VPS39: variants seen among roughly 807,000 people sequenced by gnomAD.
VPS39 encodes the protein VPS39 subunit of HOPS complex, also known as vam6/Vps39-like protein.
VPS39 carries 70 observed loss-of-function variants against 121.0 expected under a neutral mutation model. That is an observed-to-expected ratio of 0.58 (90% CI 0.48 to 0.71). VPS39 has a LOEUF of 0.71. Among genes scored for constraint, VPS39 ranks in the 30% least tolerant of loss-of-function variants. The pLI is 0.00. For missense variants in VPS39, 818 were observed against 1,051.5 expected (o/e 0.78, Z 3.07); for synonymous variants, 378 against 398.1 (o/e 0.95, Z 0.60).
Position 42,191,479 on chromosome 15 carries a change from C to A in VPS39, c.204+17G>T, listed in dbSNP as rs180827366. 8 of 1,611,688 alleles carry A rather than the reference C, an allele frequency of 5.0e-6. No individual in the cohort carries two copies. The East Asian group carries it at 1.6e-4, about 31-fold the overall frequency. ...TGTAAGTCAAATATTCTTGTAAGGA[C>A]TGCCATCACTGCTTACCTGCTGAAT... On this transcript the variant is annotated intron_variant, in intron 3 of 24. Coordinates refer to ENST00000318006, the MANE Select transcript of VPS39 (RefSeq NM_015289.5).
At chr15:42,164,535 T>C in intron 18 of VPS39, 49 bp from the exon 19 acceptor site, 2 of 1,604,006 alleles carry the variant, frequency 1.2e-6, no homozygotes, top group Non-Finnish European at 1.7e-6. Context: ...CAGGTGGCAA[T>C]GTAGGGTCAT....
At chr15:42,192,496 T>C (rs1408489119) in intron 2 of VPS39, among the ~76,000 whole-genome samples, 1 of 152,158 alleles carries the variant, frequency 6.6e-6, no homozygotes, top group East Asian at 1.9e-4. Flanking sequence ...CTCGCACTGC[T>C]GACCTGAGTT....
chr15:42,205,393 A>G (rs2050147053), intron 1 of VPS39, among the ~76,000 whole-genome samples: 1 of 152,234 alleles, frequency 6.6e-6, no homozygotes, highest in African/African-American at 2.4e-5. Flanking sequence ...ACATTTCAGC[A>G]GAGAACTGAG....
intron 8 of VPS39, among the ~76,000 whole-genome samples, chr15:42,183,692 C>T (rs181470801): frequency 4.7e-4 from 71 of 152,322 alleles, no homozygotes; most frequent in African/African-American, 1.6e-3. Flanking sequence ...AATGAAACTT[C>T]TTCCTAATTA....
chr15:42,161,737 A>T lies in VPS39; in HGVS notation c.2497T>A (p.Cys833Ser), dbSNP rs2049131056. ...EERILHQQVK[C>S]IITEEKVCMV... is the part of the protein sequence containing the mutation. ...CACACCTTCTCCTCTGTGATGATGC[A>T]CTTCACCTGCTGGTGTAAAATCCGC... The change falls in exon 24 of 25, where the codon TGC becomes AGC. Residue 833 changes from cysteine (C) to serine (S), a missense_variant. Transcript: ENST00000318006. The T allele has an allele frequency of 6.2e-7, 1 of 1,614,074 alleles. No homozygotes were observed. The highest frequency in any genetic ancestry group is 1.3e-5 in the African/African-American group (1 of 74,930).
intron 4 of VPS39, 104 bp downstream of exon 4, chr15:42,191,021 C>A: frequency 7.5e-7 from 1 of 1,340,064 alleles, no homozygotes. Flanking sequence ...TGGAACACGT[C>A]AGTTCATTGT....
chr15:42,185,159 T>G (rs2049673812), intron 7 of VPS39, among the ~76,000 whole-genome samples: 1 of 151,870 alleles, frequency 6.6e-6, no homozygotes, highest in Non-Finnish European at 1.5e-5. Context: ...TATTCAAAAT[T>G]GCTAAAAATT....
At chr15:42,203,605 C>T (rs1309859003) in intron 1 of VPS39, among the ~76,000 whole-genome samples, 1 of 152,008 alleles carries the variant, frequency 6.6e-6, no homozygotes, top group Non-Finnish European at 1.5e-5. Flanking sequence ...TGCGCCATTG[C>T]ACTCCAGCCT....
intron 10 of VPS39, among the ~76,000 whole-genome samples, chr15:42,175,482 T>C (rs1487033906): frequency 1.3e-5 from 2 of 152,028 alleles, no homozygotes; most frequent in Admixed American, 6.5e-5. Context: ...AAAGGTCCTA[T>C]TCTCAGTAAA....
intron 17 of VPS39, 180 bp downstream of exon 17, chr15:42,165,538 G>T: frequency 1.8e-6 from 1 of 551,552 alleles, no homozygotes. Flanking sequence ...CCTAGATTTG[G>T]TAGGTAGCAT....
At chr15:42,183,395 C>T (rs2049629308) in intron 8 of VPS39, among the ~76,000 whole-genome samples, 1 of 152,134 alleles carries the variant, frequency 6.6e-6, no homozygotes. Flanking sequence ...AGCCACTGTG[C>T]CCGGCCAGAA....
intron 2 of VPS39, among the ~76,000 whole-genome samples, chr15:42,193,553 T>C (rs2049874066): frequency 6.6e-6 from 1 of 150,376 alleles, no homozygotes; most frequent in Non-Finnish European, 1.5e-5. Flanking sequence ...ATGTATTTTT[T>C]ACTCATACGT....
chr15:42,183,635 T>C (rs1178669881), intron 8 of VPS39, among the ~76,000 whole-genome samples: 2 of 152,216 alleles, frequency 1.3e-5, no homozygotes, highest in Non-Finnish European at 2.9e-5. Context: ...CAAGCCAGGT[T>C]CCAAACTCCC....
At chr15:42,173,925 G>C in intron 10 of VPS39, 73 bp from the exon 11 acceptor site, 1 of 1,559,304 alleles carries the variant, frequency 6.4e-7, no homozygotes, top group Non-Finnish European at 8.7e-7. Flanking sequence ...TGATGTTAGA[G>C]AAGATGCTAG....
intron 13 of VPS39, 85 bp downstream of exon 13, chr15:42,167,309 C>A: frequency 6.7e-7 from 1 of 1,495,794 alleles, no homozygotes; most frequent in Admixed American, 2.2e-5. Context: ...AATGGCAGGT[C>A]CCTCAGGGTC....
intron 11 of VPS39, among the ~76,000 whole-genome samples, chr15:42,172,812 T>C (rs2049373339): frequency 6.6e-6 from 1 of 152,212 alleles, no homozygotes; most frequent in African/African-American, 2.4e-5. Context: ...ATTACCCTAA[T>C]ATTCCAATAA....
intron 1 of VPS39, among the ~76,000 whole-genome samples, chr15:42,206,870 G>T (rs186425289): frequency 1.2e-4 from 19 of 152,272 alleles, no homozygotes; most frequent in Admixed American, 5.9e-4. Flanking sequence ...GCAGTGTCAG[G>T]TCTTTCATTT....
intron 1 of VPS39, among the ~76,000 whole-genome samples, chr15:42,204,145 A>G (rs2050120832): frequency 1.3e-5 from 2 of 152,234 alleles, no homozygotes; most frequent in South Asian, 4.1e-4. Context: ...AATGCTGGCC[A>G]CTGCAGGGAC....
chr15:42,161,940 C>T (rs148757505), intron 23 of VPS39, 92 bp downstream of exon 23: 45 of 1,598,786 alleles, frequency 2.8e-5, no homozygotes, highest in Non-Finnish European at 3.7e-5. Context: ...CTGCACTGTA[C>T]AGGCTCTGCC....
Sources: gnomAD v4.1 joint callset for allele counts (sites outside exome capture counted in the v4.1 genomes callset) on GRCh38, gnomAD v4.1.1 for gene constraint, MANE v1.5 for transcripts, NCBI Gene and HGNC (gene_info 2026-07-23, HGNC 2026-07-21) for gene names.